Variants in TRHDE observed in about 807,000 individuals in gnomAD.
The protein encoded by TRHDE is thyrotropin-releasing hormone-degrading ectoenzyme.
A neutral mutation model predicts 125.7 loss-of-function variants in TRHDE; 72 were observed. The ratio of observed to expected loss-of-function variants is 0.57; its 90% CI spans 0.47 to 0.70. The LOEUF is 0.70. Among genes scored for constraint, TRHDE ranks in the 30% least tolerant of loss-of-function variants. TRHDE has a pLI of 0.00. For synonymous variants in TRHDE, 509 were observed against 509.1 expected (o/e 1.00, Z 0.00); for missense variants, 1,110 against 1,327.1 (o/e 0.84, Z 2.54).
intron 6 of TRHDE, among the ~76,000 whole-genome samples, chr12:72,501,941 T>C (rs570445328): frequency 6.6e-6 from 1 of 152,250 alleles, no homozygotes; most frequent in South Asian, 2.1e-4. Context: ...TCTAAAATGT[T>C]TACTTTATTG....
chr12:72,511,266 T>C (rs1878570768), intron 6 of TRHDE, among the ~76,000 whole-genome samples: 1 of 152,172 alleles, frequency 6.6e-6, no homozygotes, highest in African/African-American at 2.4e-5. Context: ...TTACAGCTTA[T>C]CAGAAATTAA....
At chr12:72,631,915 T>G (rs1344481502) in intron 15 of TRHDE, among the ~76,000 whole-genome samples, 1 of 151,968 alleles carries the variant, frequency 6.6e-6, no homozygotes, top group Non-Finnish European at 1.5e-5. Context: ...TGACAGTTCA[T>G]TAGAGATTAA....
At position 72,107,523 on chromosome 12, in the gene TRHDE, G is replaced by C. The variant is rs545315034; in HGVS notation, n.279+1771G>C. Reference sequence around the variant, plus strand: ...TGGATCTCTCTGTTGATTGGATGTAGGTAATTAGGTGAACTCTCTTTCTGA... The same window carrying C: ...TGGATCTCTCTGTTGATTGGATGTACGTAATTAGGTGAACTCTCTTTCTGA... On this transcript the variant is annotated intron_variant and non_coding_transcript_variant, in intron 2 of 4. Coordinates refer to the TRHDE transcript ENST00000548156. Among the ~76,000 whole-genome samples, 5 of 152,214 alleles carry C rather than the reference G, an allele frequency of 3.3e-5. No individual in the cohort carries two copies. The East Asian group carries it at 9.7e-4, about 29-fold the overall frequency.
At chr12:72,630,091 G>A (rs1213604837) in intron 15 of TRHDE, among the ~76,000 whole-genome samples, 1 of 150,800 alleles carries the variant, frequency 6.6e-6, no homozygotes, top group Non-Finnish European at 1.5e-5. Context: ...AACTTTCATC[G>A]TTCAGAAATT....
chr12:72,633,981 T>C lies in TRHDE; in HGVS notation c.2675+12230T>C, dbSNP rs140949988. Reference sequence around the variant, plus strand: ...ATAAAAATAATGAGGAGGAGGAGTGTCATTATCAAATATTGAGAACAATTT... The same window carrying C: ...ATAAAAATAATGAGGAGGAGGAGTGCCATTATCAAATATTGAGAACAATTT... On this transcript the variant is annotated intron_variant, in intron 15 of 18. Coordinates refer to ENST00000261180, the MANE Select transcript of TRHDE (RefSeq NM_013381.3). Among the ~76,000 whole-genome samples, 153 of 152,196 alleles carry C rather than the reference T, an allele frequency of 1.0e-3. 1 individual carries two copies. The highest frequency in any genetic ancestry group is 3.6e-3 in the African/African-American group (148 of 41,540).
chr12:72,307,477 T>A (rs1281583163), intron 2 of TRHDE, among the ~76,000 whole-genome samples: 1 of 152,032 alleles, frequency 6.6e-6, no homozygotes, highest in Non-Finnish European at 1.5e-5. Flanking sequence ...GCCAGACTTG[T>A]ATTTCAAAAG....
At chr12:72,391,201 C>T (rs1189677803) in intron 3 of TRHDE, among the ~76,000 whole-genome samples, 1 of 152,086 alleles carries the variant, frequency 6.6e-6, no homozygotes, top group Non-Finnish European at 1.5e-5. Flanking sequence ...AAAATGTACT[C>T]CTGGCCCACC....
intron 2 of TRHDE, chr12:72,263,073 T>C (rs1194163908): frequency 6.6e-6 from 1 of 152,086 alleles, no homozygotes; most frequent in Non-Finnish European, 1.5e-5. Context: ...AAAGGTAAAA[T>C]GTGTTTTGCT....
intron 1 of TRHDE, among the ~76,000 whole-genome samples, chr12:72,278,595 T>A (rs764675294): frequency 9.9e-5 from 15 of 152,208 alleles, no homozygotes; most frequent in Non-Finnish European, 1.8e-4. Flanking sequence ...TTGCTGCACA[T>A]CCTTGCTAAC....
intron 2 of TRHDE, among the ~76,000 whole-genome samples, chr12:72,346,987 G>A (rs1870354379): frequency 6.6e-6 from 1 of 152,012 alleles, no homozygotes; most frequent in Admixed American, 6.6e-5. Flanking sequence ...GTTTCACATG[G>A]TGTTCTCTGT....
chr12:72,362,782 G>A (rs1016597547), intron 2 of TRHDE, among the ~76,000 whole-genome samples: 18 of 152,110 alleles, frequency 1.2e-4, no homozygotes, highest in African/African-American at 4.3e-4. Flanking sequence ...TTCTACATAT[G>A]GCTAGCCAGT....
At chr12:72,662,878 C>T (rs1457834314) in intron 18 of TRHDE, among the ~76,000 whole-genome samples, 174 bp from the exon 19 acceptor site, 1 of 150,102 alleles carries the variant, frequency 6.7e-6, no homozygotes, top group Non-Finnish European at 1.5e-5. Context: ...TGTCATATTT[C>T]ATTCAGTTGC....
chr12:72,516,981 C>G (rs1222200506), intron 6 of TRHDE, among the ~76,000 whole-genome samples: 2 of 151,942 alleles, frequency 1.3e-5, no homozygotes, highest in East Asian at 1.9e-4. Flanking sequence ...GCCTTGCATC[C>G]CAGGGATGAA....
At position 72,498,931 on chromosome 12, in the gene TRHDE, T is replaced by C. The variant is rs546530321; in HGVS notation, c.1585-567T>C. Among the ~76,000 whole-genome samples the C allele has an allele frequency of 4.0e-5, 6 of 151,444 alleles. No individual in the cohort carries two copies. The East Asian group carries it at 1.2e-3, about 30-fold the overall frequency. On this transcript the variant is annotated intron_variant, in intron 5 of 18. Coordinates refer to ENST00000261180, the MANE Select transcript of TRHDE (RefSeq NM_013381.3). ...TGTGAAGAGTGCCTTTTATTACTAGTTGTGGTCTCTTGAAATTTTTTCAGA... is the reference window on the plus strand; with the variant it reads ...TGTGAAGAGTGCCTTTTATTACTAGCTGTGGTCTCTTGAAATTTTTTCAGA...
intron 12 of TRHDE, among the ~76,000 whole-genome samples, chr12:72,613,536 A>C (rs1872704773): frequency 6.6e-6 from 1 of 152,222 alleles, no homozygotes; most frequent in African/African-American, 2.4e-5. Context: ...ATATTTATTG[A>C]GTGCCTATTT....
At chr12:72,166,367 A>G (rs1333277020) in intron 2 of TRHDE, among the ~76,000 whole-genome samples, 1 of 152,182 alleles carries the variant, frequency 6.6e-6, no homozygotes, top group African/African-American at 2.4e-5. Context: ...ACACATATAT[A>G]TACACATACA....
At chr12:72,616,059 A>G (rs574349264) in intron 12 of TRHDE, among the ~76,000 whole-genome samples, 1 of 152,130 alleles carries the variant, frequency 6.6e-6, no homozygotes, top group Non-Finnish European at 1.5e-5. Flanking sequence ...AGAAGAAGAG[A>G]AGAGCATGGA....
intron 2 of TRHDE, among the ~76,000 whole-genome samples, chr12:72,249,829 CA>C (rs1878643280): frequency 6.6e-6 from 1 of 152,088 alleles, no homozygotes; most frequent in Non-Finnish European, 1.5e-5. Flanking sequence ...TGATGGCATA[CA>C]AAGACTCATA....
At chr12:72,609,413 T>G (rs564665164) in intron 12 of TRHDE, among the ~76,000 whole-genome samples, 1 of 152,276 alleles carries the variant, frequency 6.6e-6, no homozygotes, top group Admixed American at 6.5e-5. Context: ...ATGCAAAAAA[T>G]TTTTTGAGTA....
Sources: allele counts gnomAD v4.1 joint callset (sites outside exome capture counted in the v4.1 genomes callset), GRCh38; gene constraint gnomAD v4.1.1; transcripts MANE v1.5; gene names NCBI Gene and HGNC (gene_info 2026-07-23, HGNC 2026-07-21).